Variants in POTEJ observed in about 807,000 individuals in gnomAD.
The protein encoded by POTEJ is POTE ankyrin domain family, member J.
In POTEJ, 11 loss-of-function variants were observed where a neutral mutation model predicts 69.0. The observed-to-expected ratio is 0.16, with a 90% CI of 0.10 to 0.26. POTEJ has a LOEUF of 0.26. Ranked by LOEUF, POTEJ falls within the 10% of genes least tolerant of loss-of-function variation. POTEJ has a pLI of 1.00. For synonymous variants in POTEJ, 117 were observed against 381.1 expected, an observed-to-expected ratio of 0.31 and a Z score of 8.07; for missense variants, 327 against 1,045.5, an observed-to-expected ratio of 0.31 and a Z score of 9.48.
At chr2:130,611,212 T>G (rs1490048498), upstream of POTEJ, among the ~76,000 whole-genome samples, 1 of 137,296 alleles carries the variant, frequency 7.3e-6, no homozygotes, top group Non-Finnish European at 1.5e-5. Flanking sequence ...CTCCTTGGAT[T>G]GGCGTTTCCT....
chr2:130,628,967 C>T (rs1685805656), intron 6 of POTEJ, among the ~76,000 whole-genome samples: 1 of 148,240 alleles, frequency 6.7e-6, no homozygotes, highest in South Asian at 2.1e-4. Flanking sequence ...TTGCAGTGAG[C>T]TGAGATTGCG....
intron 10 of POTEJ, among the ~76,000 whole-genome samples, chr2:130,638,957 G>A (rs1333102672): frequency 2.0e-5 from 3 of 152,196 alleles, no homozygotes; most frequent in Non-Finnish European, 4.4e-5. Context: ...CCTTCTGGGG[G>A]CAAAGTGAGA....
At chr2:130,641,536 A>C (rs532985962) in intron 10 of POTEJ, among the ~76,000 whole-genome samples, 1 of 150,696 alleles carries the variant, frequency 6.6e-6, no homozygotes, top group Non-Finnish European at 1.5e-5. Context: ...AGGTATAGTC[A>C]ATATGATTTA....
At chr2:130,643,525 A>AG (rs1412612671) in intron 10 of POTEJ, among the ~76,000 whole-genome samples, 1 of 143,176 alleles carries the variant, frequency 7.0e-6, no homozygotes, top group Non-Finnish European at 1.5e-5. Flanking sequence ...CATTAAAAAA[A>AG]AAAAAAGAAA....
chr2:130,612,572 A>G (rs1437752023), intron 1 of POTEJ, among the ~76,000 whole-genome samples: 50 of 152,354 alleles, frequency 3.3e-4, no homozygotes, highest in Non-Finnish European at 4.9e-4. Context: ...CATCCTGGCT[A>G]ACACGGTGAA....
At chr2:130,641,304 T>C (rs1686363527) in intron 10 of POTEJ, among the ~76,000 whole-genome samples, 1 of 152,038 alleles carries the variant, frequency 6.6e-6, no homozygotes, top group African/African-American at 2.4e-5. Context: ...CATCAATGTA[T>C]TATAAGGTTT....
chr2:130,644,557 T>G (rs1428678210), intron 11 of POTEJ, among the ~76,000 whole-genome samples: 4 of 152,238 alleles, frequency 2.6e-5, no homozygotes, highest in African/African-American at 9.7e-5. Flanking sequence ...CAATAGATTC[T>G]AATTTAATAT....
intron 9 of POTEJ, among the ~76,000 whole-genome samples, chr2:130,636,402 T>A (rs1253915493): frequency 2.7e-5 from 4 of 147,080 alleles, no homozygotes; most frequent in African/African-American, 1.0e-4. Flanking sequence ...CCTATTTGTA[T>A]CTTGACATCA....
Position 130,628,877 on chromosome 2 carries a change from G to T in POTEJ, c.1016-1072G>T, listed in dbSNP as rs547935841. ...TACTAAAAACACGAAAATTAGCAGG[G>T]CCTGATGGTGCATGCCTGTAATCCC... On this transcript the variant is annotated intron_variant, in intron 6 of 14. Transcript: ENST00000409602. Among the ~76,000 whole-genome samples, 141 of 145,448 alleles carry T rather than the reference G, an allele frequency of 9.7e-4. 1 individual carries two copies. The highest frequency in any genetic ancestry group is 3.7e-3 in the African/African-American group (138 of 36,866).
intron 11 of POTEJ, among the ~76,000 whole-genome samples, 186 bp downstream of exon 11, chr2:130,644,239 G>C (rs1385433957): frequency 7.1e-6 from 1 of 141,134 alleles, no homozygotes; most frequent in Non-Finnish European, 1.6e-5. Context: ...GAGAGGCTGA[G>C]GCAGGTGGAT....
At position 130,657,573 on chromosome 2, in the gene POTEJ, A is replaced by G. The variant is rs770821564; in HGVS notation, c.2813A>G (p.His938Arg). Reference sequence around the variant, plus strand: ...CTGGGCATGGAATCCTGTGGCATCCATGAAACTACCTTCAACTCCATCATG... The same window carrying G: ...CTGGGCATGGAATCCTGTGGCATCCGTGAAACTACCTTCAACTCCATCATG... ...CFLGMESCGI[H>R]ETTFNSIMKS... Residue 938 changes from histidine (H) to arginine (R), a missense_variant, in exon 15 of 15, where the codon CAT (histidine) becomes CGT (arginine). Transcript: ENST00000409602. 4 of 1,549,586 alleles carry G rather than the reference A, an allele frequency of 2.6e-6. No homozygotes were observed. The highest frequency in any genetic ancestry group is 3.3e-5 in the African/African-American group (2 of 61,454).
chr2:130,619,779 G>C (rs1194603639), intron 3 of POTEJ, among the ~76,000 whole-genome samples: 1 of 149,166 alleles, frequency 6.7e-6, no homozygotes, highest in Non-Finnish European at 1.5e-5. Context: ...GCCAAATGCT[G>C]GTTTAGAAGC....
intron 13 of POTEJ, among the ~76,000 whole-genome samples, chr2:130,652,097 G>C (rs1263891137): frequency 7.3e-6 from 1 of 137,678 alleles, no homozygotes; most frequent in Non-Finnish European, 1.5e-5. Context: ...CCTCCATGCT[G>C]TTCTTGTGAT....
intron 10 of POTEJ, among the ~76,000 whole-genome samples, chr2:130,640,664 G>T (rs1686323365): frequency 6.6e-6 from 1 of 151,688 alleles, no homozygotes; most frequent in Admixed American, 6.6e-5. Flanking sequence ...TTTAAACAGG[G>T]AGGAAACTTA....
chr2:130,635,004 A>T lies in POTEJ; in HGVS notation c.1298+2348A>T, dbSNP rs1382019678. Among the ~76,000 whole-genome samples, 4 of 149,266 alleles carry T rather than the reference A, an allele frequency of 2.7e-5. No homozygotes were observed. The South Asian group carries it at 8.4e-4, about 31-fold the overall frequency. On this transcript the variant is annotated intron_variant, in intron 9 of 14. Coordinates refer to ENST00000409602, the MANE Select transcript of POTEJ (RefSeq NM_001277083.2). ...AGCCAGTGGAGGGCGTCTCCTCCCT[A>T]ACGGCGTCTTCACTTGGCTTTCAGG...
chr2:130,646,469 GT>G (rs1686583083), intron 13 of POTEJ, among the ~76,000 whole-genome samples, 159 bp downstream of exon 13: 1 of 131,718 alleles, frequency 7.6e-6, no homozygotes, highest in Non-Finnish European at 1.6e-5. Context: ...ATCAGTTACC[GT>G]TTTTTTTCCA....
intron 6 of POTEJ, among the ~76,000 whole-genome samples, chr2:130,627,434 A>G (rs376045457): frequency 1.4e-5 from 2 of 140,596 alleles, no homozygotes; most frequent in South Asian, 2.1e-4. Flanking sequence ...AGGGAATGAT[A>G]CTCTCCATGA....
intron 10 of POTEJ, among the ~76,000 whole-genome samples, chr2:130,642,822 G>C (rs1207122985): frequency 6.6e-6 from 1 of 151,756 alleles, no homozygotes; most frequent in African/African-American, 2.4e-5. Context: ...TTCAGGCCTC[G>C]CTCCCGCTCT....
At chr2:130,650,474 C>T (rs1686769693) in intron 13 of POTEJ, among the ~76,000 whole-genome samples, 1 of 151,946 alleles carries the variant, frequency 6.6e-6, no homozygotes, top group Admixed American at 6.5e-5. Context: ...AGAAAAAGGC[C>T]TAGCCTATCA....
Sources: allele counts gnomAD v4.1 joint callset (sites outside exome capture counted in the v4.1 genomes callset), GRCh38; gene constraint gnomAD v4.1.1; transcripts MANE v1.5; gene names NCBI Gene and HGNC (gene_info 2026-07-23, HGNC 2026-07-21).